Variants in PPP1R16B observed in about 807,000 individuals in gnomAD.
The protein encoded by PPP1R16B is protein phosphatase 1 regulatory subunit 16B.
Under a neutral mutation model 61.7 loss-of-function variants are expected in PPP1R16B, and 14 were observed. The ratio of observed to expected loss-of-function variants is 0.23; its 90% CI spans 0.15 to 0.35. The LOEUF is 0.35. Ranked by LOEUF, PPP1R16B falls within the 10% of genes least tolerant of loss-of-function variation. The pLI is 1.00. For missense variants in PPP1R16B, 547 were observed against 752.5 expected (o/e 0.73, Z 3.19); for synonymous variants, 266 against 305.3 (o/e 0.87, Z 1.34).
At chr20:38,835,745 C>A (rs1050496882) in intron 1 of PPP1R16B, 80 bp from the exon 2 acceptor site, 2 of 719,508 alleles carry the variant, frequency 2.8e-6, no homozygotes, top group African/African-American at 1.8e-5. Context: ...GCGTTTCGAA[C>A]ACGGGGCGTT....
rs996016756 is a variant in PPP1R16B, at chr20:38,859,046, G to A, written c.250+22871G>A. Among the ~76,000 whole-genome samples the A allele has an allele frequency of 3.9e-5, 6 of 152,110 alleles. 1 individual carries two copies. Among genetic ancestry groups the A allele is most frequent in the South Asian group, 4.1e-4 (2 of 4,822 alleles). On this transcript the variant is annotated intron_variant, in intron 2 of 10. Coordinates refer to ENST00000299824, the MANE Select transcript of PPP1R16B (RefSeq NM_015568.4). ...CAAATGTCCCAGGATCCAGGAAGCC[G>A]CCAGTTTCTTGAGACCTTGGAACAG...
At chr20:38,889,739 T>C in intron 3 of PPP1R16B, 74 bp downstream of exon 3, 1 of 1,433,290 alleles carries the variant, frequency 7.0e-7, no homozygotes, top group Non-Finnish European at 9.8e-7. Flanking sequence ...CTCGGCACTT[T>C]CCTGCTCAGA....
intron 3 of PPP1R16B, among the ~76,000 whole-genome samples, chr20:38,891,887 T>C (rs554032363): frequency 6.6e-6 from 1 of 152,196 alleles, no homozygotes; most frequent in Non-Finnish European, 1.5e-5. Flanking sequence ...TCTACAATGA[T>C]GGAAATGTTC....
chr20:38,863,269 C>T (rs2085066658), intron 2 of PPP1R16B, among the ~76,000 whole-genome samples: 1 of 152,172 alleles, frequency 6.6e-6, no homozygotes, highest in African/African-American at 2.4e-5. Flanking sequence ...CCTGGTCTGA[C>T]CGCAGAGACC....
At position 38,918,422 on chromosome 20, in the gene PPP1R16B, G is replaced by C; in HGVS notation, c.1460G>C (p.Arg487Pro). ...PQTLLELKRQRAAAKLLSHPF... is the reference protein window; with the variant it reads ...PQTLLELKRQPAAAKLLSHPF... ...ACGCTTCTGGAGCTGAAGCGGCAGC[G>C]GGCTGCAGCCAAGCTGCTCAGCCAC... The change falls in exon 11 of 11, where the codon CGG (arginine) becomes CCG (proline). Residue 487 changes from arginine to proline, a missense_variant. By Grantham distance (103) the Arg-to-Pro change is moderately radical. Transcript: ENST00000299824. The surrounding 1 kb of genome is among the most constrained non-coding windows in gnomAD (Gnocchi z 5.3). 1 of 1,614,094 alleles carries C rather than the reference G, an allele frequency of 6.2e-7. No homozygotes were observed. The highest frequency in any genetic ancestry group is 8.5e-7 in the Non-Finnish European group (1 of 1,180,036).
Position 38,839,128 on chromosome 20 carries a change from A to G in PPP1R16B, c.250+2953A>G, listed in dbSNP as rs2084892254. On this transcript the variant is annotated intron_variant, in intron 2 of 10. Coordinates refer to ENST00000299824, the MANE Select transcript of PPP1R16B (RefSeq NM_015568.4). ...TTTTTAGTAGAGTTGGGGTTTCACC[A>G]TGTTGGCCAGGCTGGTCTCAAACTC... Among the ~76,000 whole-genome samples, 2 of 152,158 alleles carry G rather than the reference A, an allele frequency of 1.3e-5. 1 individual carries two copies. Among genetic ancestry groups the G allele is most frequent in the South Asian group, 4.1e-4 (2 of 4,826 alleles).
intron 2 of PPP1R16B, among the ~76,000 whole-genome samples, chr20:38,868,575 G>T (rs1354846322): frequency 1.3e-5 from 2 of 152,102 alleles, no homozygotes; most frequent in Non-Finnish European, 2.9e-5. Context: ...TACAGACGGG[G>T]TTTCACTATG....
At position 38,918,215 on chromosome 20, in the gene PPP1R16B, G is replaced by C; in HGVS notation, c.1253G>C (p.Gly418Ala). The change falls in exon 11 of 11, where the codon GGT (glycine) becomes GCT (alanine). Residue 418 changes from glycine (G) to alanine (A), a missense_variant. Coordinates refer to ENST00000299824, the MANE Select transcript of PPP1R16B (RefSeq NM_015568.4). The surrounding 1 kb of genome is among the most constrained non-coding windows in gnomAD (Gnocchi z 5.3). ...LSEFPTKIPRGELDMPVENGL... is the reference protein window; with the variant it reads ...LSEFPTKIPRAELDMPVENGL... Reference sequence around the variant, plus strand: ...GAATTTCCTACCAAGATCCCACGAGGTGAACTGGACATGCCTGTTGAGAAT... The same window carrying C: ...GAATTTCCTACCAAGATCCCACGAGCTGAACTGGACATGCCTGTTGAGAAT... The C allele has an allele frequency of 6.2e-7, 1 of 1,614,258 alleles. No individual in the cohort carries two copies. The highest frequency in any genetic ancestry group is 8.5e-7 in the Non-Finnish European group (1 of 1,180,042).
Position 38,906,010 on chromosome 20 carries a change from G to T in PPP1R16B, c.738G>T (p.Glu246Asp). The change falls in exon 7 of 11, where the codon GAG becomes GAT. Residue 246 changes from glutamate to aspartate, a missense_variant. Glu to Asp is a conservative substitution (Grantham distance 45). Transcript: ENST00000299824. ...CCAATGGATACCTGCGGGCAGCTGA[G>T]CTCCTCCTGGACCATGGAGTGCGTG... ...AGANGYLRAA[E>D]LLLDHGVRVD... 1 of 1,613,746 alleles carries T rather than the reference G, an allele frequency of 6.2e-7. No individual in the cohort carries two copies. The highest frequency in any genetic ancestry group is 8.5e-7 in the Non-Finnish European group (1 of 1,179,894).
At chr20:38,849,877 A>G (rs1377267614) in intron 2 of PPP1R16B, among the ~76,000 whole-genome samples, 1 of 152,156 alleles carries the variant, frequency 6.6e-6, no homozygotes, top group Non-Finnish European at 1.5e-5. Context: ...CAAGCGCTGC[A>G]TTTATCTTGT....
intron 7 of PPP1R16B, 70 bp downstream of exon 7, chr20:38,906,164 G>C (rs1487638181): frequency 6.5e-7 from 1 of 1,527,566 alleles, no homozygotes; most frequent in Non-Finnish European, 8.8e-7. Flanking sequence ...AGTTTTTTGG[G>C]CTGGCAGTTG....
chr20:38,882,598 ACTC>A (rs1214944461), intron 2 of PPP1R16B, among the ~76,000 whole-genome samples: 1 of 151,926 alleles, frequency 6.6e-6, no homozygotes, highest in Non-Finnish European at 1.5e-5. Context: ...CCTGAGTCAT[ACTC>A]CTGTTGTGCC....
intron 1 of PPP1R16B, among the ~76,000 whole-genome samples, chr20:38,812,970 G>A (rs1312422736): frequency 6.6e-6 from 1 of 152,096 alleles, no homozygotes; most frequent in African/African-American, 2.4e-5. Flanking sequence ...TTTCTACCAA[G>A]CTCCCAGGGG....
At chr20:38,917,912 G>A (rs2085555016) in intron 10 of PPP1R16B, among the ~76,000 whole-genome samples, 1 of 152,182 alleles carries the variant, frequency 6.6e-6, no homozygotes, top group Admixed American at 6.5e-5. Context: ...AATCCCTGTA[G>A]TGAAATATGT....
intron 7 of PPP1R16B, among the ~76,000 whole-genome samples, 190 bp downstream of exon 7, chr20:38,906,284 T>G (rs995987447): frequency 5.5e-5 from 5 of 90,792 alleles, no homozygotes; most frequent in Admixed American, 1.1e-4. Context: ...GCAAGTTGTG[T>G]TTTTTTTTTT....
At chr20:38,913,591 CTG>C (rs1297500856) in intron 10 of PPP1R16B, among the ~76,000 whole-genome samples, 3 of 152,152 alleles carry the variant, frequency 2.0e-5, no homozygotes, top group African/African-American at 7.2e-5. Context: ...TAAAGAGAGA[CTG>C]TTTTTGAAGT....
In PPP1R16B at chr20:38,918,263, C is replaced by T; in HGVS notation, c.1301C>T (p.Ala434Val). The change falls in exon 11 of 11, where the codon GCC becomes GTC. Residue 434 changes from alanine (A) to valine (V), a missense_variant. By Grantham distance (64) the Ala-to-Val change is moderately conservative. Coordinates refer to ENST00000299824, the MANE Select transcript of PPP1R16B (RefSeq NM_015568.4). This position sits in a 1 kb window ranked among gnomAD's most constrained non-coding sequence, Gnocchi z 5.3. ...VENGLRAPVS[A>V]YQYALANGDV... ...AATGGCCTCCGGGCTCCGGTCAGTG[C>T]CTACCAGTATGCGCTGGCCAACGGG... is the stretch of plus-strand genomic sequence containing the variant. 6.2e-7 allele frequency: 1 copy of T among 1,614,246 alleles called. No individual in the cohort carries two copies. Among genetic ancestry groups the T allele is most frequent in the Non-Finnish European group, 8.5e-7 (1 of 1,180,046 alleles).
intron 2 of PPP1R16B, among the ~76,000 whole-genome samples, chr20:38,841,489 C>T (rs2084909089): frequency 6.6e-6 from 1 of 151,586 alleles, no homozygotes; most frequent in South Asian, 2.1e-4. Flanking sequence ...GATTGAACCA[C>T]TGCACTCTAG....
intron 1 of PPP1R16B, among the ~76,000 whole-genome samples, chr20:38,833,831 C>T (rs974039297): frequency 6.6e-6 from 1 of 152,222 alleles, no homozygotes; most frequent in Non-Finnish European, 1.5e-5. Flanking sequence ...ACATGAAGAA[C>T]GATCTGGATC....
Sources: allele counts gnomAD v4.1 joint callset (sites outside exome capture counted in the v4.1 genomes callset), GRCh38; gene constraint gnomAD v4.1.1; non-coding constraint Gnocchi (gnomAD v3.1); transcripts MANE v1.5; gene names NCBI Gene and HGNC (gene_info 2026-07-23, HGNC 2026-07-21).